AARS1: variants seen among roughly 807,000 people sequenced by gnomAD.
AARS1 encodes alanyl-tRNA synthetase 1.
In AARS1, 72 loss-of-function variants were observed where a neutral mutation model predicts 108.9. That is an observed-to-expected ratio of 0.66 (90% CI 0.55 to 0.80). The LOEUF (loss-of-function observed/expected upper bound fraction) is 0.80, where lower values mean the gene tolerates loss of function less well. Ranked by LOEUF, AARS1 falls within the 30% of genes least tolerant of loss-of-function variation. The pLI, the probability that AARS1 is intolerant of heterozygous loss-of-function variation, is 0.00. For missense variants in AARS1, 1,193 were observed against 1,233.2 expected, an observed-to-expected ratio of 0.97 and a Z score of 0.49; for synonymous variants, 489 against 465.7, an observed-to-expected ratio of 1.05 and a Z score of -0.64.
intron 13 of AARS1, 144 bp downstream of exon 13, chr16:70,260,900 G>A: frequency 1.6e-6 from 1 of 630,644 alleles, no homozygotes; most frequent in Non-Finnish European, 3.0e-6. Flanking sequence ...CTGACCTCAT[G>A]ATCCACCCGC....
At chr16:70,253,591 C>G (rs1959902177) in intron 19 of AARS1, 123 bp downstream of exon 19, 2 of 1,235,404 alleles carry the variant, frequency 1.6e-6, no homozygotes, top group African/African-American at 3.0e-5. Flanking sequence ...TGCTGCTCCT[C>G]CCAATCTCAA....
intron 1 of AARS1, among the ~76,000 whole-genome samples, chr16:70,285,910 G>A (rs2152172287): frequency 6.6e-6 from 1 of 152,306 alleles, no homozygotes; most frequent in South Asian, 2.1e-4. Context: ...AAAGTGAACA[G>A]GAGATCCTGA....
At chr16:70,272,887 G>A (rs936529782) in intron 4 of AARS1, among the ~76,000 whole-genome samples, 8 of 59,970 alleles carry the variant, frequency 1.3e-4, no homozygotes, top group African/African-American at 1.2e-3. Context: ...TCCAGCCTGG[G>A]TGACACACAC....
At chr16:70,255,875 C>T (rs1484215159) in intron 15 of AARS1, 39 bp from the exon 16 acceptor site, 2 of 1,583,254 alleles carry the variant, frequency 1.3e-6, no homozygotes, top group Non-Finnish European at 1.7e-6. Context: ...GAAAGAGGCC[C>T]TGGCAGCCCT....
chr16:70,272,231 G>A (rs940629723), intron 4 of AARS1, among the ~76,000 whole-genome samples: 3 of 152,054 alleles, frequency 2.0e-5, no homozygotes, highest in Non-Finnish European at 4.4e-5. Context: ...GAAGCTGGGC[G>A]TGGTGGCTCA....
At chr16:70,274,935 A>AC (rs955405541) in intron 4 of AARS1, among the ~76,000 whole-genome samples, 3 of 119,034 alleles carry the variant, frequency 2.5e-5, no homozygotes, top group African/African-American at 8.3e-5. Context: ...TATATAAAGT[A>AC]AAAAAAAAAA....
intron 1 of AARS1, among the ~76,000 whole-genome samples, chr16:70,288,017 G>A (rs1202460031): frequency 6.6e-6 from 1 of 151,816 alleles, no homozygotes; most frequent in African/African-American, 2.4e-5. Flanking sequence ...TGCCCGCCTC[G>A]GCCTCCCAAA....
At chr16:70,268,177 C>T (rs1960311329) in intron 8 of AARS1, 94 bp downstream of exon 8, 1 of 1,205,242 alleles carries the variant, frequency 8.3e-7, no homozygotes, top group Non-Finnish European at 1.2e-6. Context: ...CAAAAAACAG[C>T]AACAAAAAGC....
chr16:70,253,671 A>G lies in AARS1; in HGVS notation c.2607+43T>C, dbSNP rs8045571. ...AGAGGCCACATGTCAGCCACCAGAGAGCTGATGAGCCCTAGGGGAGGGGAC... is the reference window on the plus strand; with the variant it reads ...AGAGGCCACATGTCAGCCACCAGAGGGCTGATGAGCCCTAGGGGAGGGGAC... On this transcript the variant is annotated intron_variant, in intron 19 of 20. Coordinates refer to ENST00000261772, the MANE Select transcript of AARS1 (RefSeq NM_001605.3). The G allele has an allele frequency of 0.013, 20,576 of 1,596,122 alleles. 2,303 individuals carry two copies. In the African/African-American group the frequency reaches 0.24, roughly 19 times the overall value.
intron 4 of AARS1, among the ~76,000 whole-genome samples, chr16:70,272,208 T>C (rs1391130163): frequency 6.6e-6 from 1 of 151,986 alleles, no homozygotes; most frequent in Non-Finnish European, 1.5e-5. Context: ...GCCTGCACAT[T>C]AAACCTGCTA....
At chr16:70,287,508 C>T (rs937540739) in intron 1 of AARS1, among the ~76,000 whole-genome samples, 4 of 151,000 alleles carry the variant, frequency 2.6e-5, no homozygotes, top group Non-Finnish European at 5.9e-5. Context: ...GAGGCTGAAA[C>T]AGGAGGATTG....
intron 1 of AARS1, among the ~76,000 whole-genome samples, 198 bp downstream of exon 1, chr16:70,289,223 C>G (rs34087264): frequency 1.3e-5 from 2 of 151,938 alleles, no homozygotes; most frequent in South Asian, 2.1e-4. Flanking sequence ...AGCAAATCCA[C>G]CCGAGGCCGC....
At position 70,258,132 on chromosome 16, in the gene AARS1, G is replaced by A; in HGVS notation, c.2078C>T (p.Pro693Leu). The A allele has an allele frequency of 3.1e-6, 5 of 1,613,184 alleles. No homozygotes were observed. The highest frequency in any genetic ancestry group is 1.7e-5 in the Admixed American group (1 of 59,886). The part of the protein sequence containing the change: ...RAVFDETYPD[P>L]VRVVSIGVPV... ...GACCCCAATGGAGACGACTCGCACA[G>A]GGTCAGGATAGGTCTCATCAAACAC... is the stretch of plus-strand genomic sequence containing the variant. The change falls in exon 15 of 21, where the codon CCT (proline) becomes CTT (leucine). Residue 693 changes from proline to leucine, a missense_variant. Transcript: ENST00000261772.
chr16:70,267,652 T>C lies in AARS1; in HGVS notation c.1222+7A>G, dbSNP rs200591546. On this transcript the variant is annotated splice_region_variant and intron_variant, in intron 9 of 20. Coordinates refer to ENST00000261772, the MANE Select transcript of AARS1 (RefSeq NM_001605.3). ...CAGGATGGAGAAGGGCAAAAACTGG[T>C]ACCTACCGGGAATGGTCTTGCTGTC... is the stretch of plus-strand genomic sequence containing the variant. 8 of 1,614,164 alleles carry C rather than the reference T, an allele frequency of 5.0e-6. No homozygotes were observed. Among genetic ancestry groups the C allele is most frequent in the Non-Finnish European group, 6.8e-6 (8 of 1,180,034 alleles).
intron 11 of AARS1, among the ~76,000 whole-genome samples, chr16:70,264,448 C>T (rs1960215915): frequency 6.6e-6 from 1 of 151,848 alleles, no homozygotes; most frequent in Admixed American, 6.6e-5. Flanking sequence ...TCCCGAGTAG[C>T]TGGGATTACA....
chr16:70,256,363 G>A (rs1441335798), intron 15 of AARS1, among the ~76,000 whole-genome samples: 1 of 152,080 alleles, frequency 6.6e-6, no homozygotes, highest in Non-Finnish European at 1.5e-5. Flanking sequence ...GGAGTGCAAT[G>A]GTGTGATCTT....
chr16:70,267,133 G>T (rs935506129), intron 9 of AARS1, among the ~76,000 whole-genome samples: 2 of 152,168 alleles, frequency 1.3e-5, no homozygotes, highest in African/African-American at 4.8e-5. Context: ...ACCACACCCA[G>T]CTGACAAATC....
At chr16:70,255,684 C>T (rs763957795) in intron 16 of AARS1, 44 bp downstream of exon 16, 3 of 1,570,786 alleles carry the variant, frequency 1.9e-6, no homozygotes, top group Middle Eastern at 3.3e-4. Context: ...CTGGGCTCCT[C>T]TTGCCTTCTT....
In AARS1 at chr16:70,282,748, T is replaced by A. The variant is rs567912277; in HGVS notation, c.16A>T (p.Thr6Ser). The change falls in exon 2 of 21, where the codon ACA becomes TCA. Residue 6 changes from threonine (T) to serine (S), a missense_variant. By Grantham distance (58) the Thr-to-Ser change is moderately conservative. Transcript: ENST00000261772. ...AATCGCTGCCGGATTTCACTTGCTG[T>A]TAGAGTAGAGTCCATCTTGAAAGTC... MDSTLTASEIRQRFID... is the reference protein window; with the variant it reads MDSTLSASEIRQRFID... 1 of 1,614,094 alleles carries A rather than the reference T, an allele frequency of 6.2e-7. No individual in the cohort carries two copies. Among genetic ancestry groups the A allele is most frequent in the South Asian group, 1.1e-5 (1 of 91,092 alleles).
Sources: allele counts gnomAD v4.1 joint callset (sites outside exome capture counted in the v4.1 genomes callset), GRCh38; gene constraint gnomAD v4.1.1; transcripts MANE v1.5; gene names NCBI Gene and HGNC (gene_info 2026-07-23, HGNC 2026-07-21).